Variants in ARID2 observed in about 807,000 individuals in gnomAD.
ARID2 encodes AT-rich interactive domain-containing protein 2.
Under a neutral mutation model 184.6 loss-of-function variants are expected in ARID2, and 32 were observed. That is an observed-to-expected ratio of 0.17 (90% CI 0.13 to 0.23). The LOEUF (loss-of-function observed/expected upper bound fraction) is 0.23. ARID2 is among the 10% of genes least tolerant of loss of function. The pLI is 1.00. For synonymous variants in ARID2, 836 were observed against 772.6 expected (o/e 1.08, Z -1.36); for missense variants, 1,696 against 2,197.6 (o/e 0.77, Z 4.56).
chr12:45,732,781 T>C (rs1941027839), intron 3 of ARID2, among the ~76,000 whole-genome samples: 1 of 152,168 alleles, frequency 6.6e-6, no homozygotes, highest in African/African-American at 2.4e-5. Flanking sequence ...TTGACTTAAG[T>C]TTTATAACCA....
chr12:45,821,399 AT>A lies in ARID2; in HGVS notation c.638-18del, dbSNP rs750697029. 1 of 1,397,976 alleles carries A rather than the reference AT, an allele frequency of 7.2e-7. No individual in the cohort carries two copies. The highest frequency in any genetic ancestry group is 9.6e-7 in the Non-Finnish European group (1 of 1,036,298). The allele number at this position is 1,397,976 out of a possible 1,614,324, so 86.6% of individuals were successfully genotyped here. On this transcript the variant is annotated intron_variant, in intron 5 of 20. Coordinates refer to ENST00000334344, the MANE Select transcript of ARID2 (RefSeq NM_152641.4). ...TTTATTGCATTTTATTGAATGTACT[AT>A]TTATTTATTTGTTTTTTAGCTTTAG...
chr12:45,757,783 T>A (rs540000849), intron 3 of ARID2, among the ~76,000 whole-genome samples: 7 of 152,348 alleles, frequency 4.6e-5, no homozygotes, highest in Admixed American at 1.3e-4. Context: ...TTTCAACACT[T>A]CAGTGCAAAT....
At chr12:45,837,066 T>G (rs748602129) in intron 8 of ARID2, 75 bp downstream of exon 8, 20 of 1,517,832 alleles carry the variant, frequency 1.3e-5, no homozygotes, top group Non-Finnish European at 1.8e-5. Flanking sequence ...GATGTGGCAT[T>G]TTATAGTTGC....
chr12:45,743,991 ATGAT>A (rs575619309), intron 3 of ARID2, among the ~76,000 whole-genome samples: 8 of 151,728 alleles, frequency 5.3e-5, no homozygotes, highest in Non-Finnish European at 1.2e-4. Context: ...TTTTGATTTT[ATGAT>A]TGATTTTTTT....
intron 3 of ARID2, among the ~76,000 whole-genome samples, chr12:45,750,225 C>T (rs1351152313): frequency 1.3e-5 from 2 of 152,030 alleles, no homozygotes; most frequent in African/African-American, 2.4e-5. Flanking sequence ...TAGGGATGCC[C>T]AAGGAGAAGG....
At chr12:45,805,106 G>T (rs1162771179) in intron 3 of ARID2, among the ~76,000 whole-genome samples, 1 of 151,956 alleles carries the variant, frequency 6.6e-6, no homozygotes, top group African/African-American at 2.4e-5. Context: ...GTTGTTTCCA[G>T]TTGGTTTTAT....
chr12:45,881,696 T>C (rs1944106723), intron 16 of ARID2: 2 of 181,222 alleles, frequency 1.1e-5, no homozygotes, highest in East Asian at 1.5e-4. Context: ...CTTCCCCTGC[T>C]TCCGTTCTGC....
At chr12:45,890,609 A>C (rs1236424697) in intron 16 of ARID2, among the ~76,000 whole-genome samples, 2 of 152,230 alleles carry the variant, frequency 1.3e-5, no homozygotes, top group Non-Finnish European at 2.9e-5. Flanking sequence ...TTAGCCTCAC[A>C]ATATACTTTT....
chr12:45,891,874 G>T lies in ARID2; in HGVS notation c.5017G>T (p.Glu1673Ter), dbSNP rs1468958484. 1 of 1,614,096 alleles carries T rather than the reference G, an allele frequency of 6.2e-7. No individual in the cohort carries two copies. The highest frequency in any genetic ancestry group is 2.2e-5 in the East Asian group (1 of 44,896). ...AGGGCAGTGTCTTTGGGAAGGTTGT[G>T]AGCCTTTTCAGCGACAGCGGTTTTC... ...YPGQCLWEGC[E>*]PFQRQRFSFI... Residue 1673 changes from glutamate (E) to a stop codon, truncating the protein, a stop_gained, in exon 17 of 21, where the codon GAG becomes TAG. Coordinates refer to ENST00000334344, the MANE Select transcript of ARID2 (RefSeq NM_152641.4). LOFTEE classifies it high-confidence loss of function.
chr12:45,742,986 T>C (rs889272992), intron 3 of ARID2, among the ~76,000 whole-genome samples: 1 of 152,108 alleles, frequency 6.6e-6, no homozygotes, highest in African/African-American at 2.4e-5. Flanking sequence ...TTCTCTAATA[T>C]AGGGGATTAA....
intron 3 of ARID2, among the ~76,000 whole-genome samples, chr12:45,797,390 A>G (rs939326343): frequency 1.3e-5 from 2 of 152,126 alleles, no homozygotes; most frequent in African/African-American, 4.8e-5. Context: ...GTGCACCACC[A>G]TGCCCAGCTA....
intron 3 of ARID2, among the ~76,000 whole-genome samples, chr12:45,776,957 G>GTT (rs201744661): frequency 6.7e-6 from 1 of 149,470 alleles, no homozygotes; most frequent in African/African-American, 2.5e-5. Flanking sequence ...TAATTTATGT[G>GTT]GTTTTTTTTT....
intron 3 of ARID2, among the ~76,000 whole-genome samples, chr12:45,769,058 A>G (rs1306875184): frequency 1.3e-5 from 2 of 152,220 alleles, no homozygotes; most frequent in African/African-American, 2.4e-5. Flanking sequence ...CTAAAGAAAT[A>G]ACAGTAACAT....
chr12:45,817,727 A>G lies in ARID2; in HGVS notation c.476A>G (p.Asn159Ser). The change falls in exon 5 of 21, where the codon AAT (asparagine) becomes AGT (serine). Residue 159 changes from asparagine (N) to serine (S), a missense_variant. Asn to Ser is a conservative substitution (Grantham distance 46, BLOSUM62 1). Around this residue, in one of 11 missense-constraint regions of ARID2, gnomAD observed 148 missense variants for 285.4 expected, o/e 0.52. Coordinates refer to ENST00000334344, the MANE Select transcript of ARID2 (RefSeq NM_152641.4). ...GACTTTAATTCGCCAAATGATTATA[A>G]TAAATTGGTGCTTTCACTGTTATCT... The part of the protein sequence containing the change: ...SMDFNSPNDY[N>S]KLVLSLLSGL... 1.2e-6 allele frequency: 2 copies of G among 1,612,984 alleles called. No individual in the cohort carries two copies. Among genetic ancestry groups the G allele is most frequent in the South Asian group, 1.1e-5 (1 of 91,046 alleles).
At chr12:45,825,745 T>A (rs1942984181) in intron 6 of ARID2, among the ~76,000 whole-genome samples, 1 of 152,082 alleles carries the variant, frequency 6.6e-6, no homozygotes, top group Admixed American at 6.6e-5. Flanking sequence ...ATGATTGTAG[T>A]TCCAGCTACT....
intron 3 of ARID2, among the ~76,000 whole-genome samples, chr12:45,772,840 A>G (rs1941901762): frequency 1.3e-5 from 2 of 152,188 alleles, no homozygotes; most frequent in Admixed American, 1.3e-4. Flanking sequence ...TAACGGATAG[A>G]ACAACTTGGC....
In ARID2 at chr12:45,836,845, T is replaced by C. The variant is rs763734542; in HGVS notation, c.877T>C (p.Leu293=). 9 of 1,614,010 alleles carry C rather than the reference T, an allele frequency of 5.6e-6. No homozygotes were observed. The highest frequency in any genetic ancestry group is 7.6e-6 in the Non-Finnish European group (9 of 1,180,000). The change falls in exon 8 of 21, where the codon TTG becomes CTG. Residue 293 remains leucine, a synonymous_variant. Transcript: ENST00000334344. ...GCGGGTACTTCAGATTGCAGTGATT[T>C]TGAGAAATCTTTCCTTTGAGGAGGG... ...GQRVLQIAVI[L]RNLSFEEGNV...
intron 15 of ARID2, among the ~76,000 whole-genome samples, chr12:45,853,455 C>T (rs539177797): frequency 6.6e-6 from 1 of 152,236 alleles, no homozygotes; most frequent in East Asian, 1.9e-4. Context: ...ATATTCTTTT[C>T]TGTTTCTTAC....
chr12:45,833,080 T>TTG (rs1326980275), intron 6 of ARID2, among the ~76,000 whole-genome samples: 1 of 152,222 alleles, frequency 6.6e-6, no homozygotes, highest in African/African-American at 2.4e-5. Context: ...GTGTACTTAA[T>TTG]TGTGGATATT....
Sources: allele counts gnomAD v4.1 joint callset (sites outside exome capture counted in the v4.1 genomes callset), GRCh38; gene constraint gnomAD v4.1.1; regional missense constraint gnomAD v4.1.1; transcripts MANE v1.5; gene names NCBI Gene and HGNC (gene_info 2026-07-23, HGNC 2026-07-21).